FRMD5: variants seen among roughly 807,000 people sequenced by gnomAD.
The protein encoded by FRMD5 is FERM domain-containing protein 5.
A neutral mutation model predicts 69.0 loss-of-function variants in FRMD5; 20 were observed. The observed-to-expected ratio is 0.29, with a 90% CI of 0.20 to 0.42. The LOEUF (loss-of-function observed/expected upper bound fraction) is 0.42. Ranked by LOEUF, FRMD5 falls within the 10% of genes least tolerant of loss-of-function variation. The pLI, the probability that FRMD5 is intolerant of heterozygous loss-of-function variation, is 1.00. For missense variants in FRMD5, 595 were observed against 708.6 expected, an observed-to-expected ratio of 0.84 and a Z score of 1.82; for synonymous variants, 271 against 260.1, an observed-to-expected ratio of 1.04 and a Z score of -0.40.
chr15:44,062,796 T>TC (rs1293091202), intron 1 of FRMD5, among the ~76,000 whole-genome samples: 4 of 151,546 alleles, frequency 2.6e-5, no homozygotes, highest in South Asian at 2.1e-4. Flanking sequence ...CTGGAACCAA[T>TC]CCCCCCCAGA....
At chr15:44,145,745 G>T (rs1036333349) in intron 1 of FRMD5, among the ~76,000 whole-genome samples, 3 of 152,082 alleles carry the variant, frequency 2.0e-5, no homozygotes, top group African/African-American at 7.2e-5. Flanking sequence ...GGAACACATG[G>T]CTACCAAGGA....
intron 1 of FRMD5, among the ~76,000 whole-genome samples, chr15:44,191,593 A>G (rs1024428451): frequency 9.9e-5 from 15 of 151,798 alleles, no homozygotes; most frequent in African/African-American, 3.6e-4. Context: ...CTCAAAAATA[A>G]TAATAATAAT....
At chr15:44,041,688 C>A (rs918251985) in intron 1 of FRMD5, among the ~76,000 whole-genome samples, 8 of 152,002 alleles carry the variant, frequency 5.3e-5, no homozygotes, top group Non-Finnish European at 8.8e-5. Flanking sequence ...CTACTGGGTA[C>A]ATAATGAAAT....
intron 1 of FRMD5, among the ~76,000 whole-genome samples, chr15:43,965,152 C>G (rs903737065): frequency 5.9e-5 from 9 of 152,172 alleles, no homozygotes; most frequent in Non-Finnish European, 1.5e-5. Context: ...GAAAGATGCA[C>G]AAAAGCAAAT....
intron 1 of FRMD5, among the ~76,000 whole-genome samples, chr15:44,148,788 CA>C: frequency 6.6e-6 from 1 of 152,024 alleles, no homozygotes; most frequent in African/African-American, 2.4e-5. Context: ...ACTAGGATAC[CA>C]AAAAAATTGT....
chr15:44,175,189 C>A (rs1461456169), intron 1 of FRMD5, among the ~76,000 whole-genome samples: 1 of 151,976 alleles, frequency 6.6e-6, no homozygotes, highest in Non-Finnish European at 1.5e-5. Flanking sequence ...AATGTAGAGC[C>A]CTTCTAGGCA....
intron 4 of FRMD5, among the ~76,000 whole-genome samples, chr15:43,913,750 TCC>T (rs2089331766): frequency 6.6e-6 from 1 of 152,106 alleles, no homozygotes; most frequent in South Asian, 2.1e-4. Flanking sequence ...GAAATAGAAG[TCC>T]AGAGATGGAG....
intron 13 of FRMD5, among the ~76,000 whole-genome samples, chr15:43,875,560 T>G (rs928678650): frequency 2.6e-5 from 4 of 151,104 alleles, no homozygotes; most frequent in African/African-American, 9.7e-5. Flanking sequence ...TCACTACAAC[T>G]TCTGCCTCCC....
At position 43,872,818 on chromosome 15, in the gene FRMD5, T is replaced by C. The variant is rs2088196314; in HGVS notation, c.*1067A>G. ...CATCGTTTAGTTCATCAGGCTCTAT[T>C]TTCTTAATCCATAAAGTAAAAACAA... On this transcript the variant is annotated 3_prime_UTR_variant, in exon 14 of 14. Transcript: ENST00000417257. 4.9e-6 allele frequency: 1 copy of C among 203,906 alleles called. No individual in the cohort carries two copies. Among genetic ancestry groups the C allele is most frequent in the Non-Finnish European group, 9.8e-6 (1 of 101,918 alleles). The allele number at this position is 203,906 out of a possible 1,614,324, so 12.6% of individuals were successfully genotyped here. A position where few individuals can be genotyped will look rare whatever the true frequency, so the allele number is the denominator to read the frequency against.
chr15:43,938,741 A>G (rs1467878527), intron 1 of FRMD5, among the ~76,000 whole-genome samples: 13 of 152,252 alleles, frequency 8.5e-5, no homozygotes, highest in Non-Finnish European at 2.9e-5. Context: ...AAAATTTAAC[A>G]GAAACCAGTA....
intron 1 of FRMD5, among the ~76,000 whole-genome samples, chr15:44,109,100 T>G (rs2140572246): frequency 6.6e-6 from 1 of 152,290 alleles, no homozygotes; most frequent in South Asian, 2.1e-4. Flanking sequence ...AAATGTTAGA[T>G]ACTATTGTGA....
chr15:43,878,922 T>G (rs1004893125), intron 13 of FRMD5, among the ~76,000 whole-genome samples: 3 of 149,946 alleles, frequency 2.0e-5, no homozygotes, highest in African/African-American at 7.5e-5. Context: ...TTTCTTTTTT[T>G]TTTTCTTTTC....
intron 2 of FRMD5, among the ~76,000 whole-genome samples, chr15:43,922,021 T>C (rs370623983): frequency 1.6e-4 from 24 of 152,166 alleles, no homozygotes; most frequent in African/African-American, 5.6e-4. Flanking sequence ...CCTCCATCCC[T>C]ACCATGAATC....
chr15:44,000,453 AG>A (rs761519580), intron 1 of FRMD5, among the ~76,000 whole-genome samples: 1 of 151,268 alleles, frequency 6.6e-6, no homozygotes, highest in Non-Finnish European at 1.5e-5. Context: ...ATCACATGGT[AG>A]TTCTATTTTT....
At chr15:44,073,870 G>A in intron 1 of FRMD5, among the ~76,000 whole-genome samples, 1 of 152,162 alleles carries the variant, frequency 6.6e-6, no homozygotes, top group Admixed American at 6.5e-5. Flanking sequence ...CTGTGAGTTA[G>A]ATCATGGGGA....
intron 1 of FRMD5, among the ~76,000 whole-genome samples, chr15:44,036,977 A>G (rs977451256): frequency 3.3e-5 from 5 of 152,004 alleles, no homozygotes; most frequent in Non-Finnish European, 7.4e-5. Context: ...GCAGCACTCA[A>G]CATTACAACT....
chr15:44,123,466 T>C (rs1411914151), intron 1 of FRMD5, among the ~76,000 whole-genome samples: 1 of 152,192 alleles, frequency 6.6e-6, no homozygotes, highest in African/African-American at 2.4e-5. Flanking sequence ...CAACTCAATG[T>C]TGGGTAAAGG....
intron 1 of FRMD5, among the ~76,000 whole-genome samples, chr15:44,056,017 C>T (rs2140361633): frequency 6.6e-6 from 1 of 152,330 alleles, no homozygotes; most frequent in Non-Finnish European, 1.5e-5. Flanking sequence ...GAAATAACCT[C>T]CTCCCTTATT....
chr15:43,948,439 T>G (rs769661352), intron 1 of FRMD5, among the ~76,000 whole-genome samples: 1 of 152,214 alleles, frequency 6.6e-6, no homozygotes, highest in Non-Finnish European at 1.5e-5. Flanking sequence ...AAATTCAAAT[T>G]TGAATAAGTT....
Sources: gnomAD v4.1 joint callset for allele counts (sites outside exome capture counted in the v4.1 genomes callset) on GRCh38, gnomAD v4.1.1 for gene constraint, MANE v1.5 for transcripts, NCBI Gene and HGNC (gene_info 2026-07-23, HGNC 2026-07-21) for gene names.